Variants in RPS6KA5 observed in about 807,000 individuals in gnomAD.
RPS6KA5 encodes ribosomal protein S6 kinase alpha-5.
Under a neutral mutation model 85.5 loss-of-function variants are expected in RPS6KA5, and 27 were observed. The ratio of observed to expected loss-of-function variants is 0.32; its 90% confidence interval spans 0.23 to 0.44. The LOEUF (loss-of-function observed/expected upper bound fraction) is 0.44. RPS6KA5 is among the 20% of genes least tolerant of loss of function. RPS6KA5 has a pLI of 1.00. For missense variants in RPS6KA5, 811 were observed against 980.9 expected, an observed-to-expected ratio of 0.83 and a Z score of 2.31; for synonymous variants, 334 against 348.2, an observed-to-expected ratio of 0.96 and a Z score of 0.46.
intron 4 of RPS6KA5, 143 bp downstream of exon 4, chr14:90,947,292 T>G: frequency 2.1e-6 from 1 of 477,136 alleles, no homozygotes; most frequent in Non-Finnish European, 3.7e-6. Context: ...ATTATGAAAT[T>G]GAGAAAATTG....
Position 90,866,924 on chromosome 14 carries a change from AT to A in RPS6KA5, c.*5149del, listed in dbSNP as rs1368796745. 1.3e-5 allele frequency: 2 copies of A among 152,224 alleles called. No homozygotes were observed. Among genetic ancestry groups the A allele is most frequent in the Non-Finnish European group, 2.9e-5 (2 of 68,032 alleles). 9.4% of individuals were successfully genotyped at this position (152,224 alleles called of 1,614,324 possible). On this transcript the variant is annotated 3_prime_UTR_variant, in exon 17 of 17. Coordinates refer to ENST00000614987, the MANE Select transcript of RPS6KA5 (RefSeq NM_004755.4). Reference sequence around the variant, plus strand: ...AGTATTTATAATTTCAGCAAATAGGATAGCAGTATAGTACCTAAAATAAACT... The same window carrying A: ...AGTATTTATAATTTCAGCAAATAGGAAGCAGTATAGTACCTAAAATAAACT...
chr14:91,033,608 A>G (rs1161566297), intron 1 of RPS6KA5, among the ~76,000 whole-genome samples: 1 of 152,246 alleles, frequency 6.6e-6, no homozygotes, highest in Non-Finnish European at 1.5e-5. Flanking sequence ...TCTCAAAAAT[A>G]AAATAAAAAT....
chr14:91,012,338 A>G (rs182869844), intron 1 of RPS6KA5, among the ~76,000 whole-genome samples: 58 of 152,296 alleles, frequency 3.8e-4, no homozygotes, highest in African/African-American at 1.4e-3. Context: ...TATTGCACAT[A>G]TTTTTGTCTT....
intron 6 of RPS6KA5, among the ~76,000 whole-genome samples, chr14:90,920,592 G>A (rs889092045): frequency 2.6e-5 from 4 of 151,520 alleles, no homozygotes; most frequent in African/African-American, 9.7e-5. Context: ...AAAATTTTAA[G>A]TAGGTGATAT....
chr14:90,928,671 T>C (rs1167137854), intron 5 of RPS6KA5, among the ~76,000 whole-genome samples: 1 of 147,836 alleles, frequency 6.8e-6, no homozygotes, highest in African/African-American at 2.5e-5. Flanking sequence ...ATAAAAACTC[T>C]AAATATACTT....
chr14:90,986,845 G>C (rs1021582748), intron 2 of RPS6KA5, among the ~76,000 whole-genome samples: 1 of 152,210 alleles, frequency 6.6e-6, no homozygotes, highest in Non-Finnish European at 1.5e-5. Context: ...GCTGAATCCA[G>C]ACCACTGCTT....
In RPS6KA5 at chr14:90,864,556, A is replaced by C. The variant is rs2032719848; in HGVS notation, c.*7518T>G. ...AAGACTGGTATATTGGACTTCATAA[A>C]ATTTTTGGTCATCAAAGGAAAGCAC... On this transcript the variant is annotated 3_prime_UTR_variant, in exon 17 of 17. Transcript: ENST00000614987. 1 of 152,236 alleles carries C rather than the reference A, an allele frequency of 6.6e-6. No individual in the cohort carries two copies. The highest frequency in any genetic ancestry group is 2.1e-4 in the South Asian group (1 of 4,834). The allele number at this position is 152,236 out of a possible 1,614,324, so 9.4% of individuals were successfully genotyped here. A position where few individuals can be genotyped will look rare whatever the true frequency, so the allele number is the denominator to read the frequency against.
intron 8 of RPS6KA5, among the ~76,000 whole-genome samples, chr14:90,903,697 ACAAT>A (rs1273060163): frequency 2.6e-5 from 4 of 152,216 alleles, no homozygotes; most frequent in Non-Finnish European, 5.9e-5. Flanking sequence ...ATCATTTAAA[ACAAT>A]CTCAGATAAC....
rs58737573 is a variant in RPS6KA5 at position 91,030,611 on chromosome 14, G to GAAAAAAAAAAAAAAAAA, written c.104-29469_104-29453dup. On this transcript the variant is annotated intron_variant, in intron 1 of 16. Transcript: ENST00000614987. ...AACATGCAAGACACCAAAATAAACA[G>GAAAAAAAAAAAAAAAAA]AAAAAAAAAAAAAAAAAAAAAAAAA... Among the ~76,000 whole-genome samples the GAAAAAAAAAAAAAAAAA allele has an allele frequency of 6.8e-4, 15 of 22,070 alleles. 1 individual carries two copies. Among genetic ancestry groups the GAAAAAAAAAAAAAAAAA allele is most frequent in the Admixed American group, 3.4e-3 (4 of 1,178 alleles). 14.5% of individuals were successfully genotyped at this position (22,070 alleles called of 152,430 possible).
At chr14:90,983,956 C>T (rs1295909610) in intron 2 of RPS6KA5, among the ~76,000 whole-genome samples, 10 of 151,928 alleles carry the variant, frequency 6.6e-5, no homozygotes, top group Non-Finnish European at 4.4e-5. Flanking sequence ...GCGATTCTCC[C>T]ATCCCAGCCT....
intron 3 of RPS6KA5, among the ~76,000 whole-genome samples, chr14:90,950,488 T>G (rs1278021338): frequency 6.6e-6 from 1 of 152,202 alleles, no homozygotes; most frequent in Non-Finnish European, 1.5e-5. Flanking sequence ...GGGAAAGCAT[T>G]CAGTCTTTAA....
In RPS6KA5 at chr14:90,883,457, A is replaced by G. The variant is rs1274008434; in HGVS notation, c.1836+7030T>C. Among the ~76,000 whole-genome samples the G allele has an allele frequency of 2.0e-5, 3 of 151,976 alleles. No individual in the cohort carries two copies. In the East Asian group the frequency reaches 5.8e-4, roughly 29 times the overall value. ...TTTCATTTTAGTTACTGTACTTTTC[A>G]GCTCCAGAATTCCTTTTCATTTTCT... On this transcript the variant is annotated intron_variant, in intron 14 of 16. Coordinates refer to ENST00000614987, the MANE Select transcript of RPS6KA5 (RefSeq NM_004755.4).
chr14:91,016,690 A>T (rs1270131225), intron 1 of RPS6KA5, among the ~76,000 whole-genome samples: 1 of 152,004 alleles, frequency 6.6e-6, no homozygotes, highest in African/African-American at 2.4e-5. Flanking sequence ...AGTGGTATAC[A>T]CTCGGTTCTT....
intron 1 of RPS6KA5, among the ~76,000 whole-genome samples, chr14:91,029,861 C>T (rs2139832389): frequency 6.6e-6 from 1 of 152,218 alleles, no homozygotes; most frequent in African/African-American, 2.4e-5. Flanking sequence ...CACTTATTGA[C>T]TTCCAATTTT....
In RPS6KA5 at chr14:90,997,533, A is replaced by T. The variant is rs563885512; in HGVS notation, c.175+3555T>A. 5.9e-4 allele frequency among the ~76,000 whole-genome samples: 90 copies of T among 152,148 alleles called. 1 individual carries two copies. Among genetic ancestry groups the T allele is most frequent in the Admixed American group, 4.2e-3 (64 of 15,280 alleles). ...AGCTAGGAATACAGGCACATATCACACCATGCCCAACCAATTTTTTAATTT... is the reference window on the plus strand; with the variant it reads ...AGCTAGGAATACAGGCACATATCACTCCATGCCCAACCAATTTTTTAATTT... On this transcript the variant is annotated intron_variant, in intron 2 of 16. Coordinates refer to ENST00000614987, the MANE Select transcript of RPS6KA5 (RefSeq NM_004755.4).
intron 14 of RPS6KA5, among the ~76,000 whole-genome samples, chr14:90,877,874 T>C (rs192202806): frequency 6.6e-6 from 1 of 152,318 alleles, no homozygotes; most frequent in Non-Finnish European, 1.5e-5. Flanking sequence ...CGGGTAAAAG[T>C]AACAAGTGAT....
chr14:90,983,805 C>CTCTCTCTCTG (rs2039924477), intron 2 of RPS6KA5, among the ~76,000 whole-genome samples: 2 of 125,240 alleles, frequency 1.6e-5, no homozygotes, highest in African/African-American at 3.2e-5. Flanking sequence ...CTCTCTCTCT[C>CTCTCTCTCTG]TCTCTCTCTC....
chr14:90,854,433 C>A lies in RPS6KA5; in HGVS notation c.*17641G>T, dbSNP rs1456601873. ...TCACAAATTTTTATTTTAGATTTCA[C>A]AATGTACACTTGTCTCAAGTAAGTC... On this transcript the variant is annotated 3_prime_UTR_variant, in exon 17 of 17. Transcript: ENST00000614987. The A allele has an allele frequency of 6.6e-6, 1 of 152,056 alleles. No individual in the cohort carries two copies. The highest frequency in any genetic ancestry group is 2.1e-4 in the South Asian group (1 of 4,826). The allele number at this position is 152,056 out of a possible 1,614,324, so 9.4% of individuals were successfully genotyped here. A position where few individuals can be genotyped will look rare whatever the true frequency, so the allele number is the denominator to read the frequency against.
intron 12 of RPS6KA5, among the ~76,000 whole-genome samples, chr14:90,899,015 AG>A (rs934696727): frequency 3.3e-5 from 5 of 152,092 alleles, no homozygotes; most frequent in Non-Finnish European, 7.4e-5. Flanking sequence ...GGTGGGTAGA[AG>A]CGGCACTGGC....
Sources: allele counts gnomAD v4.1 joint callset (sites outside exome capture counted in the v4.1 genomes callset), GRCh38; gene constraint gnomAD v4.1.1; transcripts MANE v1.5; gene names NCBI Gene and HGNC (gene_info 2026-07-23, HGNC 2026-07-21).